Variants in ACSF2 observed in about 807,000 individuals in gnomAD.
ACSF2 encodes medium-chain acyl-CoA ligase ACSF2, mitochondrial.
A neutral mutation model predicts 79.3 loss-of-function variants in ACSF2; 52 were observed. That is an observed-to-expected ratio of 0.66 (90% confidence interval 0.53 to 0.83). ACSF2 has a LOEUF of 0.83. Among genes scored for constraint, ACSF2 ranks in the 40% least tolerant of loss-of-function variants. ACSF2 has a pLI of 0.00. For synonymous variants in ACSF2, 283 were observed against 312.6 expected, an observed-to-expected ratio of 0.91 and a Z score of 1.00; for missense variants, 661 against 803.3, an observed-to-expected ratio of 0.82 and a Z score of 2.14.
chr17:50,465,159 G>C, intron 10 of ACSF2: 4 of 1,011,694 alleles, frequency 4.0e-6, no homozygotes, highest in Non-Finnish European at 4.4e-6. Context: ...AGGGGACCCA[G>C]TCGTCCCCTC....
At chr17:50,467,092 C>G (rs1275910310) in intron 10 of ACSF2, among the ~76,000 whole-genome samples, 1 of 152,236 alleles carries the variant, frequency 6.6e-6, no homozygotes, top group Non-Finnish European at 1.5e-5. Context: ...CCCAAACCTC[C>G]TGGCTGAAGC....
chr17:50,449,719 A>C (rs1270761291), intron 1 of ACSF2, among the ~76,000 whole-genome samples: 1 of 151,886 alleles, frequency 6.6e-6, no homozygotes, highest in Non-Finnish European at 1.5e-5. Context: ...TGGCTACTTC[A>C]TTTCCTTTTT....
At chr17:50,445,080 A>T (rs535391297) in intron 1 of ACSF2, among the ~76,000 whole-genome samples, 20 of 151,926 alleles carry the variant, frequency 1.3e-4, no homozygotes, top group African/African-American at 4.8e-4. Context: ...ACCCCTGGCT[A>T]ATTTTTAAAT....
At chr17:50,462,977 T>C (rs2032441754) in intron 6 of ACSF2, 179 bp from the exon 7 acceptor site, 5 of 627,142 alleles carry the variant, frequency 8.0e-6, no homozygotes, top group Non-Finnish European at 1.4e-5. Context: ...CCTTATCTTC[T>C]GCATTGCTGG....
chr17:50,468,126 G>A, intron 10 of ACSF2: 1 of 1,614,134 alleles, frequency 6.2e-7, no homozygotes, highest in Non-Finnish European at 8.5e-7. Context: ...CTTTTCAGGG[G>A]GTTGTGGGAC....
Position 50,465,487 on chromosome 17 carries a change from TGGG to T in ACSF2, c.1215+1197_1215+1199del, listed in dbSNP as rs1221094944. 1.9e-6 allele frequency: 3 copies of T among 1,605,768 alleles called. No homozygotes were observed. In the Admixed American group the frequency reaches 5.0e-5, roughly 27 times the overall value. The stretch of plus-strand genomic sequence containing the variant: ...GGGCTGGGGAAGAAGGTGGGAGTGC[TGGG>T]GGGAAGGGCAGTGAACTATGGGGCC... On this transcript the variant is annotated intron_variant, in intron 10 of 15. Coordinates refer to ENST00000300441, the MANE Select transcript of ACSF2 (RefSeq NM_025149.6).
chr17:50,455,897 C>G (rs2031961933), intron 1 of ACSF2, among the ~76,000 whole-genome samples: 1 of 152,146 alleles, frequency 6.6e-6, no homozygotes, highest in Non-Finnish European at 1.5e-5. Flanking sequence ...GGTGAGGAGT[C>G]TAAGAAAACA....
At position 50,464,314 on chromosome 17, in the gene ACSF2, C is replaced by T. The variant is rs760938868; in HGVS notation, c.1215+20C>T. 8.7e-6 allele frequency: 14 copies of T among 1,612,574 alleles called. No individual in the cohort carries two copies. Among genetic ancestry groups the T allele is most frequent in the South Asian group, 5.5e-5 (5 of 91,042 alleles). On this transcript the variant is annotated intron_variant, in intron 10 of 15. Transcript: ENST00000300441. Reference sequence around the variant, plus strand: ...CTGGTGGTGAGTGGTGACTGCGGCCCGGGCTGTGGGCAGGCCAGGCCTGGG... The same window carrying T: ...CTGGTGGTGAGTGGTGACTGCGGCCTGGGCTGTGGGCAGGCCAGGCCTGGG...
chr17:50,449,161 C>T (rs1372300811), intron 1 of ACSF2, among the ~76,000 whole-genome samples: 2 of 151,488 alleles, frequency 1.3e-5, no homozygotes, highest in Admixed American at 6.6e-5. Flanking sequence ...GGACTACAGG[C>T]GCCCACCACA....
chr17:50,442,670 T>C (rs547550402), intron 1 of ACSF2, among the ~76,000 whole-genome samples: 19 of 152,244 alleles, frequency 1.2e-4, no homozygotes, highest in African/African-American at 4.6e-4. Context: ...CTCAATATGT[T>C]GCTCAGGCTG....
chr17:50,458,599 C>T (rs1340555420), intron 1 of ACSF2, among the ~76,000 whole-genome samples: 3 of 152,196 alleles, frequency 2.0e-5, no homozygotes, highest in Non-Finnish European at 2.9e-5. Context: ...TCATCATTAC[C>T]AAGGTTGACT....
At chr17:50,431,929 C>T (rs1295303023) in intron 1 of ACSF2, among the ~76,000 whole-genome samples, 1 of 151,870 alleles carries the variant, frequency 6.6e-6, no homozygotes, top group Non-Finnish European at 1.5e-5. Context: ...TTGGTGGAGA[C>T]AAGGTCTCGC....
At position 50,460,694 on chromosome 17, in the gene ACSF2, G is replaced by T; in HGVS notation, c.146G>T (p.Arg49Leu). The change falls in exon 2 of 16, where the codon CGC becomes CTC. Residue 49 changes from arginine (R) to leucine (L), a missense_variant. By Grantham distance (102) the Arg-to-Leu change is moderately radical (BLOSUM62 -2). Transcript: ENST00000300441. ...CCCTACAGTTCCAGAGAGGTGGATC[G>T]CATGGTCTCCACGCCCATCGGAGGC... ...VRFLSSREVD[R>L]MVSTPIGGLS... The T allele has an allele frequency of 1.2e-6, 2 of 1,612,178 alleles. No individual in the cohort carries two copies. Among genetic ancestry groups the T allele is most frequent in the Non-Finnish European group, 8.5e-7 (1 of 1,179,086 alleles).
chr17:50,444,636 AACAC>A (rs72392656), intron 1 of ACSF2, among the ~76,000 whole-genome samples: 2,967 of 147,968 alleles, frequency 0.02, 37 homozygotes, highest in African/African-American at 0.028. Context: ...TCTCTCTGCA[AACAC>A]ACACACACAC....
chr17:50,432,406 A>G (rs1363831883), intron 1 of ACSF2, among the ~76,000 whole-genome samples: 1 of 152,218 alleles, frequency 6.6e-6, no homozygotes, highest in African/African-American at 2.4e-5. Flanking sequence ...CAAGGCCCAC[A>G]GTATAGTAAC....
intron 1 of ACSF2, among the ~76,000 whole-genome samples, chr17:50,446,633 C>A (rs1321278201): frequency 6.6e-6 from 1 of 152,184 alleles, no homozygotes; most frequent in Non-Finnish European, 1.5e-5. Context: ...AGAACATGAC[C>A]AGAAACCAGG....
chr17:50,463,612 G>C lies in ACSF2; in HGVS notation c.1046+60G>C. 1.9e-6 allele frequency: 3 copies of C among 1,587,972 alleles called. No homozygotes were observed. The highest frequency in any genetic ancestry group is 2.6e-6 in the Non-Finnish European group (3 of 1,165,558). On this transcript the variant is annotated intron_variant, in intron 8 of 15. Coordinates refer to ENST00000300441, the MANE Select transcript of ACSF2 (RefSeq NM_025149.6). This position sits in a 1 kb window ranked among gnomAD's most constrained non-coding sequence, Gnocchi z 4.6. ...TAAAACCCTCTTCTTCCTCACTCCT[G>C]GGCCCTGACACCTTTCCAAGCTGCC... is the stretch of plus-strand genomic sequence containing the variant.
At chr17:50,467,645 C>T (rs750890264) in intron 10 of ACSF2, among the ~76,000 whole-genome samples, 1 of 152,150 alleles carries the variant, frequency 6.6e-6, no homozygotes, top group African/African-American at 2.4e-5. Context: ...CCTCAATAAA[C>T]AAACCTTCCT....
rs1049628223 is a variant in ACSF2 at position 50,471,273 on chromosome 17, G to T, written c.1323+138G>T. The T allele has an allele frequency of 5.8e-6, 4 of 688,242 alleles. No homozygotes were observed. The highest frequency in any genetic ancestry group is 1.0e-5 in the Non-Finnish European group (4 of 390,600). The allele number at this position is 688,242 out of a possible 1,614,324, so 42.6% of individuals were successfully genotyped here. A position where few individuals can be genotyped will look rare whatever the true frequency, so the allele number is the denominator to read the frequency against. On this transcript the variant is annotated intron_variant, in intron 11 of 15. Transcript: ENST00000300441. The surrounding 1 kb of genome is among the most constrained non-coding windows in gnomAD (Gnocchi z 4.1). ...CCTAGAGCCCCCCAGCAGCAGGGGT[G>T]TGCTAGGCCTGGCCCGGAGTGTTCT...
Sources: allele counts gnomAD v4.1 joint callset (sites outside exome capture counted in the v4.1 genomes callset), GRCh38; gene constraint gnomAD v4.1.1; non-coding constraint Gnocchi (gnomAD v3.1); transcripts MANE v1.5; gene names NCBI Gene and HGNC (gene_info 2026-07-23, HGNC 2026-07-21).